The following ITGAV variants were observed in gnomAD, a reference collection of about 807,000 sequenced individuals.
The protein encoded by ITGAV is integrin subunit alpha V, also known as integrin alpha-V.
In ITGAV, 76 loss-of-function variants were observed where a neutral mutation model predicts 143.8. The ratio of observed to expected loss-of-function variants is 0.53; its 90% CI spans 0.44 to 0.64. ITGAV has a LOEUF of 0.64. Among genes scored for constraint, ITGAV ranks in the 30% least tolerant of loss-of-function variants. The pLI, the probability that ITGAV is intolerant of heterozygous loss-of-function variation, is 0.00. For missense variants in ITGAV, 1,193 were observed against 1,274.7 expected, an observed-to-expected ratio of 0.94 and a Z score of 0.98; for synonymous variants, 453 against 446.7, an observed-to-expected ratio of 1.01 and a Z score of -0.18.
rs550100664 is a variant in ITGAV at position 186,677,213 on chromosome 2, G to C, written c.3068G>C (p.Arg1023Pro). 1.9e-6 allele frequency: 3 copies of C among 1,613,598 alleles called. No individual in the cohort carries two copies. In the African/African-American group the frequency reaches 4.0e-5, roughly 22 times the overall value. Residue 1023 changes from arginine to proline, a missense_variant, in exon 30 of 30, where the codon CGG becomes CCG. Physicochemically the swap from Arg to Pro is moderately radical, Grantham distance 103 (BLOSUM62 -2). Transcript: ENST00000261023. ...FVMYRMGFFK[R>P]VRPPQEEQER... ...AACTGACAGATGGGCTTTTTTAAAC[G>C]GGTCCGGCCACCTCAAGAAGAACAA...
At chr2:186,639,796 C>T (rs760078018) in intron 10 of ITGAV, among the ~76,000 whole-genome samples, 4 of 152,234 alleles carry the variant, frequency 2.6e-5, no homozygotes, top group South Asian at 2.1e-4. Context: ...TCATAGTGCC[C>T]GGGACAAAGT....
In ITGAV at chr2:186,665,237, A is replaced by G. The variant is rs1688857903; in HGVS notation, c.2166+19A>G. 1.5e-5 allele frequency: 23 copies of G among 1,506,800 alleles called. No individual in the cohort carries two copies. Among genetic ancestry groups the G allele is most frequent in the Non-Finnish European group, 2.1e-5 (23 of 1,085,214 alleles). The allele number at this position is 1,506,800 out of a possible 1,614,324, so 93.3% of individuals were successfully genotyped here. On this transcript the variant is annotated intron_variant, in intron 21 of 29. Transcript: ENST00000261023. ...AACTCAAGTAAGACAATTTAATTAA[A>G]CGGATTTTTCTCCCTGGCAAATAGA...
In ITGAV at chr2:186,664,580, C is replaced by T; in HGVS notation, c.2012C>T (p.Ala671Val). The change falls in exon 20 of 30, where the codon GCT (alanine) becomes GTT (valine). Residue 671 changes from alanine (A) to valine (V), a missense_variant. Coordinates refer to ENST00000261023, the MANE Select transcript of ITGAV (RefSeq NM_002210.5). The part of the protein sequence containing the change: ...AQNQGEGAYE[A>V]ELIVSIPLQA... The stretch of plus-strand genomic sequence containing the variant: ...AATCAAGGAGAAGGTGCCTACGAAG[C>T]TGAGCTCATCGTTTCCATTCCACTG... 6.2e-7 allele frequency: 1 copy of T among 1,614,098 alleles called. No individual in the cohort carries two copies. Among genetic ancestry groups the T allele is most frequent in the Non-Finnish European group, 8.5e-7 (1 of 1,179,980 alleles).
At chr2:186,621,376 A>G (rs1196446543) in intron 2 of ITGAV, among the ~76,000 whole-genome samples, 1 of 152,158 alleles carries the variant, frequency 6.6e-6, no homozygotes, top group Non-Finnish European at 1.5e-5. Flanking sequence ...TGTAAGTACA[A>G]TATAGTCATC....
In ITGAV at chr2:186,675,638, GC is replaced by G; in HGVS notation, c.2743del (p.Gln915LysfsTer5). On this transcript the variant is annotated frameshift_variant, in exon 27 of 30. Transcript: ENST00000261023. LOFTEE classifies it high-confidence loss of function. ...GTTGCTCAGTGCTTGAAGATTGTCT[GC>G]CAAGTTGGGAGATTAGACAGAGGAA... is the stretch of plus-strand genomic sequence containing the variant. ...CGVAQCLKIV[C>X]QVGRLDRGKS... 6.2e-7 allele frequency: 1 copy of G among 1,614,016 alleles called. No individual in the cohort carries two copies. The highest frequency in any genetic ancestry group is 8.5e-7 in the Non-Finnish European group (1 of 1,179,898).
chr2:186,641,132 C>T (rs1224842299), intron 11 of ITGAV, among the ~76,000 whole-genome samples, 165 bp downstream of exon 11: 1 of 152,090 alleles, frequency 6.6e-6, no homozygotes, highest in Non-Finnish European at 1.5e-5. Flanking sequence ...TAGAAAACCT[C>T]ATATGTTTGT....
rs75158401 is a variant in ITGAV, at chr2:186,656,054, T to G, written c.1565-193T>G. ...TTACTTTAGGGAAAGTTTGATTAAT[T>G]ATTTAATTATTATTAAATATTTTTT... On this transcript the variant is annotated intron_variant, in intron 16 of 29. Transcript: ENST00000261023. Among the ~76,000 whole-genome samples, 639 of 152,206 alleles carry G rather than the reference T, an allele frequency of 4.2e-3. 18 individuals are homozygous for G. Among genetic ancestry groups the G allele is most frequent in the East Asian group, 8.3e-3 (43 of 5,190 alleles).
chr2:186,605,999 G>A (rs1687057131), intron 2 of ITGAV, among the ~76,000 whole-genome samples: 2 of 151,850 alleles, frequency 1.3e-5, no homozygotes, highest in South Asian at 4.1e-4. Flanking sequence ...TTTTACATTA[G>A]TATTTTTATT....
At position 186,676,857 on chromosome 2, in the gene ITGAV, T is replaced by C; in HGVS notation, c.2973T>C (p.Pro991=). 1 of 1,614,120 alleles carries C rather than the reference T, an allele frequency of 6.2e-7. No individual in the cohort carries two copies. The highest frequency in any genetic ancestry group is 1.1e-5 in the South Asian group (1 of 91,086). ...VTWGIQPAPM[P]VPVWVIILAV... ...GGGGCATTCAGCCAGCGCCCATGCC[T>C]GTGCCTGTGTGGGTGATCATTTTAG... Residue 991 remains proline (P), a synonymous_variant, in exon 29 of 30, where the codon CCT becomes CCC. Transcript: ENST00000261023.
intron 2 of ITGAV, among the ~76,000 whole-genome samples, chr2:186,606,813 AC>A (rs1158519571): frequency 6.6e-6 from 1 of 151,898 alleles, no homozygotes; most frequent in Non-Finnish European, 1.5e-5. Context: ...TGTGGCACCG[AC>A]CCAACCCAGC....
intron 1 of ITGAV, among the ~76,000 whole-genome samples, chr2:186,592,106 G>C (rs1374088414): frequency 6.6e-6 from 1 of 152,152 alleles, no homozygotes; most frequent in African/African-American, 2.4e-5. Flanking sequence ...AAATTCTAAT[G>C]ATTTTGAAAA....
chr2:186,673,592 T>C (rs1353653891), intron 26 of ITGAV, among the ~76,000 whole-genome samples: 2 of 152,222 alleles, frequency 1.3e-5, no homozygotes, highest in Admixed American at 6.5e-5. Flanking sequence ...TCACTTTTAG[T>C]GTACTTGTCT....
chr2:186,590,686 G>A (rs1440593967), intron 1 of ITGAV, among the ~76,000 whole-genome samples, 163 bp downstream of exon 1: 2 of 152,178 alleles, frequency 1.3e-5, no homozygotes, highest in African/African-American at 2.4e-5. Context: ...GAAATATTTG[G>A]GGAAATGAAC....
chr2:186,661,598 GT>G (rs66835696), intron 18 of ITGAV, among the ~76,000 whole-genome samples: 83,179 of 128,750 alleles, frequency 0.65, 26,189 homozygotes, highest in East Asian at 0.9. Flanking sequence ...TTTTGTTTTT[GT>G]TTTTTTTTTT....
intron 2 of ITGAV, among the ~76,000 whole-genome samples, chr2:186,606,631 G>A (rs1687072866): frequency 6.6e-6 from 1 of 152,096 alleles, no homozygotes; most frequent in East Asian, 1.9e-4. Flanking sequence ...TTTGAAGTGT[G>A]TTTAAAGTTT....
chr2:186,596,452 CTT>C (rs368936394), intron 1 of ITGAV, among the ~76,000 whole-genome samples: 19 of 136,314 alleles, frequency 1.4e-4, no homozygotes, highest in Admixed American at 2.9e-4. Context: ...GTATGTGTTG[CTT>C]TTTTTTTTTT....
At chr2:186,592,609 G>T in intron 1 of ITGAV, among the ~76,000 whole-genome samples, 2 of 151,000 alleles carry the variant, frequency 1.3e-5, no homozygotes, top group Middle Eastern at 3.2e-3. Context: ...CAGTGATGTT[G>T]AACTCTTCAT....
intron 2 of ITGAV, among the ~76,000 whole-genome samples, chr2:186,605,259 T>C (rs1471117723): frequency 2.0e-5 from 3 of 152,206 alleles, no homozygotes; most frequent in Non-Finnish European, 4.4e-5. Context: ...GAGCTCACTC[T>C]GCTTCCTCCC....
At chr2:186,661,254 T>A (rs1688735553) in intron 18 of ITGAV, among the ~76,000 whole-genome samples, 1 of 152,206 alleles carries the variant, frequency 6.6e-6, no homozygotes, top group South Asian at 2.1e-4. Context: ...GTATTTAGAA[T>A]CCATGTAATT....
Sources: gnomAD v4.1 joint callset for allele counts (sites outside exome capture counted in the v4.1 genomes callset) on GRCh38, gnomAD v4.1.1 for gene constraint, MANE v1.5 for transcripts, NCBI Gene and HGNC (gene_info 2026-07-23, HGNC 2026-07-21) for gene names.